Variants in FRY observed in about 807,000 individuals in gnomAD.
The protein encoded by FRY is protein furry homolog.
FRY carries 128 observed loss-of-function variants against 348.4 expected under a neutral mutation model. That is an observed-to-expected ratio of 0.37 (90% CI 0.32 to 0.43). The LOEUF is 0.43. Ranked by LOEUF, FRY falls within the 20% of genes least tolerant of loss-of-function variation. FRY has a pLI of 1.00. For missense variants in FRY, 2,736 were observed against 3,695.2 expected (o/e 0.74, Z 6.73); for synonymous variants, 1,370 against 1,374.7 (o/e 1.00, Z 0.08).
At chr13:32,119,286 C>T (rs1878501687) in intron 4 of FRY, among the ~76,000 whole-genome samples, 1 of 152,160 alleles carries the variant, frequency 6.6e-6, no homozygotes, top group South Asian at 2.1e-4. Context: ...GGAGCATAAA[C>T]TACTGAAAAT....
At chr13:32,262,652 G>A (rs1887719899) in intron 53 of FRY, among the ~76,000 whole-genome samples, 177 bp downstream of exon 53, 1 of 152,086 alleles carries the variant, frequency 6.6e-6, no homozygotes, top group South Asian at 2.1e-4. Context: ...TTTTGAAGTT[G>A]TTTTACCCCC....
intron 7 of FRY, among the ~76,000 whole-genome samples, chr13:32,126,501 G>T (rs187707065): frequency 1.3e-5 from 2 of 152,032 alleles, no homozygotes; most frequent in Admixed American, 1.3e-4. Context: ...TTTTATTTTC[G>T]TGATGTCAGT....
intron 7 of FRY, among the ~76,000 whole-genome samples, 163 bp from the exon 8 acceptor site, chr13:32,131,509 T>C (rs558547412): frequency 2.6e-5 from 4 of 152,350 alleles, no homozygotes; most frequent in Admixed American, 2.6e-4. Flanking sequence ...TTGGATCCTT[T>C]GCCAAATCCC....
chr13:32,212,214 T>C (rs1884726804), intron 34 of FRY, 78 bp from the exon 35 acceptor site: 1 of 791,928 alleles, frequency 1.3e-6, no homozygotes, highest in East Asian at 2.6e-5. Flanking sequence ...AATCTTTCCC[T>C]GGAATTACTT....
Position 32,296,414 on chromosome 13 carries a change from G to A in FRY, c.*954G>A, listed in dbSNP as rs1045827761. On this transcript the variant is annotated 3_prime_UTR_variant, in exon 61 of 61. Coordinates refer to ENST00000542859, the MANE Select transcript of FRY (RefSeq NM_023037.3). The stretch of plus-strand genomic sequence containing the variant: ...GTTTCTTCGATGTCATATTTTATGT[G>A]TAATATATATGTAAAGGGCCATTCT... 1.3e-5 allele frequency: 2 copies of A among 152,574 alleles called. No individual in the cohort carries two copies. The highest frequency in any genetic ancestry group is 2.9e-5 in the Non-Finnish European group (2 of 68,018). 9.5% of individuals were successfully genotyped at this position (152,574 alleles called of 1,614,324 possible).
chr13:32,096,572 C>T (rs889477481), intron 2 of FRY, among the ~76,000 whole-genome samples: 1 of 152,068 alleles, frequency 6.6e-6, no homozygotes, highest in Non-Finnish European at 1.5e-5. Flanking sequence ...GGGCGGATCA[C>T]CTGCGGTCAG....
chr13:32,128,532 G>A (rs1245619923), intron 7 of FRY, among the ~76,000 whole-genome samples: 1 of 152,166 alleles, frequency 6.6e-6, no homozygotes, highest in Non-Finnish European at 1.5e-5. Context: ...AGAGAGGGCA[G>A]AGACTACATG....
At chr13:32,114,750 A>G (rs1878193778) in intron 3 of FRY, among the ~76,000 whole-genome samples, 1 of 152,206 alleles carries the variant, frequency 6.6e-6, no homozygotes, top group African/African-American at 2.4e-5. Context: ...TCAATTCAAA[A>G]CATTTTAGAT....
chr13:32,149,901 GCTTTGGAGAATGGGATGAGGGATGT>G, intron 14 of FRY, 67 bp downstream of exon 14: 2 of 976,586 alleles, frequency 2.0e-6, no homozygotes, highest in Non-Finnish European at 3.3e-6. Context: ...TTGCTTTGCG[GCTTTGGAGAATGGGATGAGGGATGT>G]CTTCTCACAA....
intron 46 of FRY, among the ~76,000 whole-genome samples, chr13:32,241,969 A>G (rs191240781): frequency 6.6e-6 from 1 of 152,196 alleles, no homozygotes; most frequent in East Asian, 1.9e-4. Flanking sequence ...ATTCCCTGGA[A>G]CCTTCTTTGC....
intron 7 of FRY, among the ~76,000 whole-genome samples, chr13:32,130,611 T>C (rs956857381): frequency 1.3e-5 from 2 of 152,138 alleles, no homozygotes; most frequent in Non-Finnish European, 2.9e-5. Flanking sequence ...AGCTTTAAGA[T>C]CTGTTCTTTT....
intron 3 of FRY, among the ~76,000 whole-genome samples, chr13:32,114,050 A>G (rs546991198): frequency 4.7e-4 from 71 of 152,282 alleles, no homozygotes; most frequent in African/African-American, 1.7e-3. Flanking sequence ...GAAGTTCTCT[A>G]TGGAGAATGG....
intron 2 of FRY, among the ~76,000 whole-genome samples, chr13:32,093,697 A>G (rs1262174542): frequency 6.6e-6 from 1 of 152,176 alleles, no homozygotes; most frequent in African/African-American, 2.4e-5. Flanking sequence ...GCCAAGTCTC[A>G]GTATTTTGGG....
At chr13:32,119,041 T>A (rs1878482767) in intron 4 of FRY, among the ~76,000 whole-genome samples, 1 of 152,226 alleles carries the variant, frequency 6.6e-6, no homozygotes, top group African/African-American at 2.4e-5. Context: ...AAAATTATAG[T>A]TTTTAAAATT....
intron 55 of FRY, among the ~76,000 whole-genome samples, chr13:32,273,645 A>C (rs1888334122): frequency 6.6e-6 from 1 of 152,198 alleles, no homozygotes; most frequent in South Asian, 2.1e-4. Flanking sequence ...AGAGCAAGAG[A>C]GGTCCCATTC....
intron 37 of FRY, 105 bp from the exon 38 acceptor site, chr13:32,224,828 A>T (rs1885496821): frequency 1.3e-6 from 1 of 765,188 alleles, no homozygotes; most frequent in Non-Finnish European, 2.3e-6. Flanking sequence ...GCCTTATATA[A>T]TGTTTTAAAA....
chr13:32,062,736 A>T (rs561770343), intron 1 of FRY, among the ~76,000 whole-genome samples: 1 of 152,230 alleles, frequency 6.6e-6, no homozygotes, highest in East Asian at 1.9e-4. Flanking sequence ...ACTGAAAAAG[A>T]TTTCACTTAT....
chr13:32,071,352 A>G (rs1375096007), intron 1 of FRY, among the ~76,000 whole-genome samples: 1 of 152,150 alleles, frequency 6.6e-6, no homozygotes, highest in Admixed American at 6.5e-5. Context: ...TGTGCATTGA[A>G]TGTTCTTCCA....
Position 32,173,383 on chromosome 13 carries a change from C to G in FRY, c.2168C>G (p.Ser723Cys), listed in dbSNP as rs779667923. ...GCATAACAGCTCATCGCAAATGGCT[C>G]CAGTCACAGAATTCAGTCGGAACGA... ...IRNSELIANG[S>C]SHRIQSERGP... Residue 723 changes from serine (S) to cysteine (C), a missense_variant, in exon 19 of 61, where the codon TCC (serine) becomes TGC (cysteine). Ser to Cys is a moderately radical substitution (Grantham distance 112, BLOSUM62 -1). Coordinates refer to ENST00000542859, the MANE Select transcript of FRY (RefSeq NM_023037.3). 5 of 1,611,690 alleles carry G rather than the reference C, an allele frequency of 3.1e-6. No individual in the cohort carries two copies. Among genetic ancestry groups the G allele is most frequent in the Non-Finnish European group, 4.2e-6 (5 of 1,179,512 alleles).
Sources: allele counts gnomAD v4.1 joint callset (sites outside exome capture counted in the v4.1 genomes callset), GRCh38; gene constraint gnomAD v4.1.1; transcripts MANE v1.5; gene names NCBI Gene and HGNC (gene_info 2026-07-23, HGNC 2026-07-21).